Variants in CDH13 observed in about 807,000 individuals in gnomAD.
CDH13 encodes the protein cadherin 13, also known as cadherin-13.
Under a neutral mutation model 63.8 loss-of-function variants are expected in CDH13, and 24 were observed. The ratio of observed to expected loss-of-function variants is 0.38; its 90% CI spans 0.27 to 0.53. The LOEUF (loss-of-function observed/expected upper bound fraction) is 0.53, where lower values mean the gene tolerates loss of function less well. CDH13 is among the 20% of genes least tolerant of loss of function. The probability of loss-of-function intolerance (pLI) is 0.85; values close to 1 mark genes in which losing one functional copy is unlikely to be tolerated. For missense variants in CDH13, 1,049 were observed against 903.1 expected (o/e 1.16, Z -2.07); for synonymous variants, 503 against 355.3 (o/e 1.42, Z -4.67).
intron 1 of CDH13, among the ~76,000 whole-genome samples, chr16:82,740,561 G>T (rs763970394): frequency 4.6e-5 from 7 of 152,142 alleles, no homozygotes; most frequent in Non-Finnish European, 1.0e-4. Flanking sequence ...ATAGGCTGAG[G>T]GGTTGGCTGA....
At position 83,234,842 on chromosome 16, in the gene CDH13, C is replaced by T. The variant is rs536253878; in HGVS notation, c.636+17345C>T. 2.6e-5 allele frequency among the ~76,000 whole-genome samples: 4 copies of T among 152,264 alleles called. No individual in the cohort carries two copies. In the South Asian group the frequency reaches 8.3e-4, roughly 32 times the overall value. ...TACATGGTAGCTGATAGTGAAAGAA[C>T]CAAATGACAAACCCACGTCCTCCCC... is the stretch of plus-strand genomic sequence containing the variant. On this transcript the variant is annotated intron_variant, in intron 5 of 13. Coordinates refer to ENST00000567109, the MANE Select transcript of CDH13 (RefSeq NM_001257.5).
intron 5 of CDH13, among the ~76,000 whole-genome samples, chr16:83,272,789 C>T (rs543088423): frequency 1.4e-4 from 21 of 152,210 alleles, no homozygotes; most frequent in Admixed American, 1.4e-3. Flanking sequence ...GCAGAGTCAA[C>T]GTGGGAAATG....
chr16:83,423,671 G>A (rs2151473865), intron 6 of CDH13, among the ~76,000 whole-genome samples: 1 of 152,312 alleles, frequency 6.6e-6, no homozygotes, highest in East Asian at 1.9e-4. Context: ...ATGATCATAT[G>A]TCTGTTGCAG....
At chr16:82,745,563 C>A (rs2034124879) in intron 1 of CDH13, among the ~76,000 whole-genome samples, 1 of 152,022 alleles carries the variant, frequency 6.6e-6, no homozygotes, top group Non-Finnish European at 1.5e-5. Context: ...AAGATCACGC[C>A]ACTGAACTCC....
intron 11 of CDH13, among the ~76,000 whole-genome samples, chr16:83,760,572 A>T (rs1452503580): frequency 6.6e-6 from 1 of 152,230 alleles, no homozygotes; most frequent in Non-Finnish European, 1.5e-5. Context: ...TGTGCAGCAA[A>T]AGAAGGCTGA....
chr16:83,635,674 T>A (rs2875800), intron 8 of CDH13, among the ~76,000 whole-genome samples: 148,858 of 152,262 alleles, frequency 0.98, 72,862 homozygotes, highest in East Asian at 1. Flanking sequence ...AATGTTTGAG[T>A]GTTGAGAGTC....
intron 2 of CDH13, among the ~76,000 whole-genome samples, chr16:83,009,546 C>G (rs1367697085): frequency 6.6e-6 from 1 of 152,138 alleles, no homozygotes; most frequent in African/African-American, 2.4e-5. Context: ...CAGAGATACC[C>G]TGCAAAGTCT....
intron 5 of CDH13, among the ~76,000 whole-genome samples, chr16:83,241,321 T>G (rs1904425295): frequency 6.6e-6 from 1 of 152,246 alleles, no homozygotes; most frequent in Non-Finnish European, 1.5e-5. Context: ...TTTCAGATCC[T>G]TCTTCAAATT....
intron 9 of CDH13, among the ~76,000 whole-genome samples, chr16:83,673,164 A>G (rs1914663254): frequency 1.3e-5 from 2 of 152,244 alleles, no homozygotes; most frequent in South Asian, 2.1e-4. Context: ...TCCCTTAATT[A>G]ACTATCGCAC....
At position 82,806,198 on chromosome 16, in the gene CDH13, G is replaced by A. The variant is rs547305247; in HGVS notation, c.46-52164G>A. 5.3e-5 allele frequency among the ~76,000 whole-genome samples: 8 copies of A among 152,258 alleles called. No individual in the cohort carries two copies. In the South Asian group the frequency reaches 1.7e-3, roughly 32 times the overall value. The stretch of plus-strand genomic sequence containing the variant: ...TTGCTTCCTTGCTGAACTGGGCTTG[G>A]AGATGCAGCTCAGAGAGAAGACATG... On this transcript the variant is annotated intron_variant, in intron 1 of 13. Coordinates refer to ENST00000567109, the MANE Select transcript of CDH13 (RefSeq NM_001257.5).
At chr16:83,287,849 T>C (rs1436925199) in intron 5 of CDH13, among the ~76,000 whole-genome samples, 2 of 152,178 alleles carry the variant, frequency 1.3e-5, no homozygotes, top group Non-Finnish European at 2.9e-5. Context: ...TCAAGAGTGA[T>C]AGCATTGTAA....
intron 5 of CDH13, among the ~76,000 whole-genome samples, chr16:83,307,586 T>G (rs895319975): frequency 4.6e-5 from 7 of 152,220 alleles, no homozygotes; most frequent in Non-Finnish European, 8.8e-5. Context: ...TTTCCTCCCT[T>G]GGGGTTTCGT....
chr16:83,307,768 G>GA (rs1159169013), intron 5 of CDH13, among the ~76,000 whole-genome samples: 1 of 152,126 alleles, frequency 6.6e-6, no homozygotes, highest in African/African-American at 2.4e-5. Flanking sequence ...TTTTTCCCCG[G>GA]AAATGTTACT....
chr16:82,918,035 G>A (rs1324203266), intron 2 of CDH13, among the ~76,000 whole-genome samples: 1 of 151,768 alleles, frequency 6.6e-6, no homozygotes, highest in South Asian at 2.1e-4. Flanking sequence ...TGTTAAATAA[G>A]CCAAAGATCA....
chr16:83,434,805 C>T (rs1477623888), intron 6 of CDH13, among the ~76,000 whole-genome samples: 1 of 138,112 alleles, frequency 7.2e-6, no homozygotes, highest in Admixed American at 7.4e-5. Flanking sequence ...CTTTCAACAG[C>T]CTCATACCTG....
chr16:83,578,647 G>A (rs1040919640), intron 7 of CDH13, among the ~76,000 whole-genome samples: 3 of 152,186 alleles, frequency 2.0e-5, no homozygotes, highest in Non-Finnish European at 4.4e-5. Flanking sequence ...AATACTGCAT[G>A]CCCAGCAGTG....
At chr16:83,575,306 A>G (rs570618336) in intron 7 of CDH13, among the ~76,000 whole-genome samples, 7 of 152,238 alleles carry the variant, frequency 4.6e-5, no homozygotes, top group African/African-American at 1.7e-4. Flanking sequence ...ATTGTGCACT[A>G]TGTGAATTAT....
intron 6 of CDH13, among the ~76,000 whole-genome samples, chr16:83,393,779 A>G (rs1308163051): frequency 6.6e-6 from 1 of 152,188 alleles, no homozygotes; most frequent in Non-Finnish European, 1.5e-5. Flanking sequence ...TTAACAAGCA[A>G]TGCCAGGCTT....
chr16:83,401,237 G>A (rs1245725648), intron 6 of CDH13, among the ~76,000 whole-genome samples: 2 of 152,022 alleles, frequency 1.3e-5, no homozygotes, highest in African/African-American at 2.4e-5. Context: ...ACTTTGGGGG[G>A]CTGAGGCAGG....
Sources: allele counts gnomAD v4.1 joint callset (sites outside exome capture counted in the v4.1 genomes callset), GRCh38; gene constraint gnomAD v4.1.1; transcripts MANE v1.5; gene names NCBI Gene and HGNC (gene_info 2026-07-23, HGNC 2026-07-21).